Variants in ASIC2 observed in about 807,000 individuals in gnomAD.
The protein encoded by ASIC2 is acid-sensing ion channel 2.
A neutral mutation model predicts 57.3 loss-of-function variants in ASIC2; 25 were observed. The ratio of observed to expected loss-of-function variants is 0.44; its 90% CI spans 0.32 to 0.61. The LOEUF (loss-of-function observed/expected upper bound fraction) is 0.61. ASIC2 is among the 20% of genes least tolerant of loss of function. ASIC2 has a pLI of 0.06. For missense variants in ASIC2, 641 were observed against 738.1 expected (o/e 0.87, Z 1.52); for synonymous variants, 319 against 307.5 (o/e 1.04, Z -0.39).
intron 1 of ASIC2, among the ~76,000 whole-genome samples, chr17:33,142,922 T>G (rs1904381858): frequency 6.6e-6 from 1 of 152,246 alleles, no homozygotes; most frequent in South Asian, 2.1e-4. Context: ...TCCATGGTCC[T>G]GAAGGCTAGG....
intron 1 of ASIC2, among the ~76,000 whole-genome samples, chr17:34,053,544 A>ATATAC (rs1218627532): frequency 1.3e-5 from 2 of 152,246 alleles, no homozygotes; most frequent in Non-Finnish European, 2.9e-5. Context: ...TTTATTGAGT[A>ATATAC]TATACTATAT....
At chr17:34,027,431 G>GC (rs1344807700) in intron 1 of ASIC2, among the ~76,000 whole-genome samples, 4 of 152,128 alleles carry the variant, frequency 2.6e-5, no homozygotes. Flanking sequence ...GAGGGATGCT[G>GC]CCCCCCTATA....
intron 3 of ASIC2, among the ~76,000 whole-genome samples, chr17:33,083,471 A>G (rs2141960489): frequency 6.6e-6 from 1 of 152,366 alleles, no homozygotes; most frequent in Middle Eastern, 3.4e-3. Context: ...TTCAGTGCTC[A>G]GGGAATATTT....
chr17:33,357,305 T>C (rs571697353), intron 1 of ASIC2, among the ~76,000 whole-genome samples: 51 of 152,158 alleles, frequency 3.4e-4, no homozygotes, highest in Non-Finnish European at 5.3e-4. Flanking sequence ...AGGACAGGTG[T>C]TATTCCTATT....
intron 1 of ASIC2, among the ~76,000 whole-genome samples, chr17:33,235,787 T>C (rs1233378401): frequency 2.0e-5 from 3 of 152,202 alleles, no homozygotes; most frequent in Admixed American, 2.0e-4. Flanking sequence ...CCATAACTCA[T>C]TCATTCAGTG....
intron 1 of ASIC2, among the ~76,000 whole-genome samples, chr17:33,853,348 G>A (rs1913826349): frequency 6.6e-6 from 1 of 152,202 alleles, no homozygotes; most frequent in South Asian, 2.1e-4. Context: ...CCTGGCAGGG[G>A]ACTGACTTTG....
intron 1 of ASIC2, among the ~76,000 whole-genome samples, chr17:33,969,340 A>C (rs1905159912): frequency 6.6e-6 from 1 of 152,182 alleles, no homozygotes; most frequent in Non-Finnish European, 1.5e-5. Context: ...AAAATGAATG[A>C]ATGAATGGAG....
At chr17:33,154,420 G>T (rs776834944) in intron 1 of ASIC2, among the ~76,000 whole-genome samples, 3 of 152,220 alleles carry the variant, frequency 2.0e-5, no homozygotes, top group Non-Finnish European at 1.5e-5. Context: ...CAGGGCATTT[G>T]CCATATCCCC....
chr17:34,037,501 T>C lies in ASIC2; in HGVS notation c.555+118477A>G, dbSNP rs553217917. 35 of 1,196,482 alleles carry C rather than the reference T, an allele frequency of 2.9e-5. No individual in the cohort carries two copies. The African/African-American group carries it at 5.1e-4, about 17-fold the overall frequency. 74.1% of individuals were successfully genotyped at this position (1,196,482 alleles called of 1,614,324 possible). The stretch of plus-strand genomic sequence containing the variant: ...TATGGATGGGAAAAAAGCAAGAAAA[T>C]AGAAGCACCTGGTACAGGTTTCATC... On this transcript the variant is annotated intron_variant, in intron 1 of 9. Transcript: ENST00000359872.
chr17:34,126,033 G>A (rs150054297), intron 1 of ASIC2, among the ~76,000 whole-genome samples: 137 of 152,310 alleles, frequency 9.0e-4, no homozygotes, highest in African/African-American at 3.1e-3. Context: ...TCAATGAAGT[G>A]TGAATGCAAG....
intron 1 of ASIC2, chr17:34,038,923 AG>A: frequency 6.2e-7 from 1 of 1,612,834 alleles, no homozygotes; most frequent in Non-Finnish European, 8.5e-7. Context: ...GATTCTGAAA[AG>A]CATAACCATC....
chr17:33,381,289 G>A (rs1248359038), intron 1 of ASIC2, among the ~76,000 whole-genome samples: 3 of 152,230 alleles, frequency 2.0e-5, no homozygotes, highest in African/African-American at 7.2e-5. Flanking sequence ...AACCTGACTT[G>A]TTTGGAGCAG....
chr17:34,155,649 G>A, intron 1 of ASIC2: 1 of 315,638 alleles, frequency 3.2e-6, no homozygotes, highest in South Asian at 4.7e-5. Context: ...ACACAGCTCG[G>A]ACACCAAGCG....
At chr17:33,340,007 G>A (rs771539211) in intron 1 of ASIC2, among the ~76,000 whole-genome samples, 8 of 152,180 alleles carry the variant, frequency 5.3e-5, no homozygotes, top group Non-Finnish European at 1.2e-4. Context: ...GTAACACTCA[G>A]AGTTGCATTC....
chr17:33,446,691 G>A (rs71377491), intron 1 of ASIC2, among the ~76,000 whole-genome samples: 12,540 of 152,166 alleles, frequency 0.082, 648 homozygotes, highest in Middle Eastern at 0.14. Context: ...CTACAGGTAG[G>A]AACCATGTCT....
chr17:33,789,464 T>TCTCACACACA (rs145766933), intron 1 of ASIC2, among the ~76,000 whole-genome samples: 3,102 of 144,472 alleles, frequency 0.021, 55 homozygotes, highest in Middle Eastern at 0.038. Context: ...AGAATCATGG[T>TCTCACACACA]CACACACACA....
At chr17:33,437,990 A>G (rs1911686833) in intron 1 of ASIC2, among the ~76,000 whole-genome samples, 1 of 152,212 alleles carries the variant, frequency 6.6e-6, no homozygotes. Flanking sequence ...GTAATAAAAT[A>G]TAACTTGTCC....
intron 1 of ASIC2, among the ~76,000 whole-genome samples, chr17:34,077,091 G>A (rs9910450): frequency 6.6e-6 from 1 of 152,226 alleles, no homozygotes; most frequent in Non-Finnish European, 1.5e-5. Flanking sequence ...CTGTGAGTAA[G>A]GGAGTACCTG....
At chr17:33,931,365 C>T (rs1229190368) in intron 1 of ASIC2, 3 of 152,190 alleles carry the variant, frequency 2.0e-5, no homozygotes, top group Non-Finnish European at 4.4e-5. Flanking sequence ...CTTTTCCATA[C>T]AATGTCTGGA....
Sources: allele counts gnomAD v4.1 joint callset (sites outside exome capture counted in the v4.1 genomes callset), GRCh38; gene constraint gnomAD v4.1.1; transcripts MANE v1.5; gene names NCBI Gene and HGNC (gene_info 2026-07-23, HGNC 2026-07-21).